ADCY8: variants seen among roughly 807,000 people sequenced by gnomAD.
ADCY8 encodes the protein adenylate cyclase type 8.
Under a neutral mutation model 119.7 loss-of-function variants are expected in ADCY8, and 51 were observed. That is an observed-to-expected ratio of 0.43 (90% CI 0.34 to 0.54). The LOEUF (loss-of-function observed/expected upper bound fraction) is 0.54. Among genes scored for constraint, ADCY8 ranks in the 20% least tolerant of loss-of-function variants. The pLI is 0.03. For missense variants in ADCY8, 1,383 were observed against 1,598.8 expected (o/e 0.87, Z 2.30); for synonymous variants, 665 against 651.0 (o/e 1.02, Z -0.33).
At chr8:130,853,355 T>C (rs967269285) in intron 9 of ADCY8, among the ~76,000 whole-genome samples, 4 of 152,206 alleles carry the variant, frequency 2.6e-5, no homozygotes, top group Admixed American at 6.5e-5. Context: ...TCTGCCTCAT[T>C]CACCTTTGAC....
intron 12 of ADCY8, among the ~76,000 whole-genome samples, chr8:130,825,002 A>G (rs1227644723): frequency 1.3e-5 from 2 of 152,126 alleles, no homozygotes; most frequent in Non-Finnish European, 2.9e-5. Flanking sequence ...CCAACTTCTC[A>G]TTGGTTAAAA....
intron 5 of ADCY8, among the ~76,000 whole-genome samples, chr8:130,911,417 A>G: frequency 6.6e-6 from 1 of 152,154 alleles, no homozygotes; most frequent in South Asian, 2.1e-4. Flanking sequence ...CATTTATAAG[A>G]TATATGTTTA....
chr8:130,958,279 C>A (rs995713684), intron 2 of ADCY8, among the ~76,000 whole-genome samples: 1 of 152,212 alleles, frequency 6.6e-6, no homozygotes. Context: ...GACATTAAAA[C>A]AGCCCAGTTT....
intron 5 of ADCY8, among the ~76,000 whole-genome samples, chr8:130,914,883 C>A (rs972698328): frequency 6.6e-6 from 1 of 152,200 alleles, no homozygotes; most frequent in Admixed American, 6.5e-5. Flanking sequence ...GCTCAGCACA[C>A]AGACATAGTC....
chr8:130,991,632 A>G (rs947151242), intron 1 of ADCY8, among the ~76,000 whole-genome samples: 55 of 152,220 alleles, frequency 3.6e-4, no homozygotes, highest in Non-Finnish European at 7.3e-4. Flanking sequence ...ATGTAAGATA[A>G]TTCAGTCTTA....
At chr8:130,811,060 CAAG>C (rs1331723141) in intron 14 of ADCY8, among the ~76,000 whole-genome samples, 1 of 152,120 alleles carries the variant, frequency 6.6e-6, no homozygotes, top group Non-Finnish European at 1.5e-5. Context: ...ATGGCTTCAT[CAAG>C]AAGCTCTTGC....
rs550547783 is a variant in ADCY8, at chr8:130,879,976, G to A, written c.2109+4588C>T. ...TCATGGGGGTGGGTCTTTCCTATGC[G>A]ATTCTCGTGATAGTGAATGGGTCTC... is the stretch of plus-strand genomic sequence containing the variant. On this transcript the variant is annotated intron_variant, in intron 8 of 17. Coordinates refer to ENST00000286355, the MANE Select transcript of ADCY8 (RefSeq NM_001115.3). Among the ~76,000 whole-genome samples, 176 of 152,202 alleles carry A rather than the reference G, an allele frequency of 1.2e-3. 1 individual carries two copies. The Middle Eastern group carries it at 0.037, about 32-fold the overall frequency.
At chr8:131,039,337 T>A (rs1824273005) in intron 1 of ADCY8, 37 bp downstream of exon 1, 30 of 1,600,674 alleles carry the variant, frequency 1.9e-5, no homozygotes, top group Non-Finnish European at 2.6e-5. Flanking sequence ...CCCGGGGAAG[T>A]TAGAGGGGAA....
chr8:130,780,369 A>AAAAAC lies in ADCY8; in HGVS notation c.*16_*20dup. 1 of 1,403,254 alleles carries AAAAAC rather than the reference A, an allele frequency of 7.1e-7. No individual in the cohort carries two copies. The highest frequency in any genetic ancestry group is 1.5e-5 in the African/African-American group (1 of 68,732). The allele number at this position is 1,403,254 out of a possible 1,614,324, so 86.9% of individuals were successfully genotyped here. On this transcript the variant is annotated 3_prime_UTR_variant, in exon 18 of 18. Transcript: ENST00000286355. Reference sequence around the variant, plus strand: ...TATATATAAAAGAAATACAAAAAAAAAAAACAGAAAGAAAATGCTTTTATG... The same window carrying AAAAAC: ...TATATATAAAAGAAATACAAAAAAAAAAAACAAAACAGAAAGAAAATGCTTTTATG...
intron 1 of ADCY8, among the ~76,000 whole-genome samples, chr8:130,999,671 C>T (rs1015181329): frequency 3.9e-5 from 6 of 152,166 alleles, no homozygotes; most frequent in African/African-American, 1.4e-4. Flanking sequence ...CTGTTGAAGG[C>T]TAGAAAGGCC....
chr8:130,955,173 C>T lies in ADCY8; in HGVS notation c.1111-3175G>A, dbSNP rs565617451. On this transcript the variant is annotated intron_variant, in intron 2 of 17. Coordinates refer to ENST00000286355, the MANE Select transcript of ADCY8 (RefSeq NM_001115.3). ...GGAATGGCATGGAAAGATACGCATTCTTACTTCAGAGCTACCATCTAGTTG... is the reference window on the plus strand; with the variant it reads ...GGAATGGCATGGAAAGATACGCATTTTTACTTCAGAGCTACCATCTAGTTG... Among the ~76,000 whole-genome samples, 8 of 152,164 alleles carry T rather than the reference C, an allele frequency of 5.3e-5. No homozygotes were observed. The South Asian group carries it at 1.7e-3, about 32-fold the overall frequency.
chr8:130,918,337 T>C (rs1820193295), intron 5 of ADCY8, among the ~76,000 whole-genome samples: 1 of 152,140 alleles, frequency 6.6e-6, no homozygotes, highest in African/African-American at 2.4e-5. Flanking sequence ...GCAAGCTCTC[T>C]GGGGTCTCTT....
chr8:130,905,537 C>T (rs1158603971), intron 6 of ADCY8, among the ~76,000 whole-genome samples: 1 of 152,076 alleles, frequency 6.6e-6, no homozygotes, highest in African/African-American at 2.4e-5. Flanking sequence ...ATGCTAAGAA[C>T]AATATATCCA....
rs1363874233 is a variant in ADCY8, at chr8:130,889,027, A to T, written c.1912-4266T>A. Reference sequence around the variant, plus strand: ...GCTCAAATCTCAAAAGACCCTTTAAAGCATCCTTACAGACACTGCAAATCA... The same window carrying T: ...GCTCAAATCTCAAAAGACCCTTTAATGCATCCTTACAGACACTGCAAATCA... On this transcript the variant is annotated intron_variant, in intron 7 of 17. Coordinates refer to ENST00000286355, the MANE Select transcript of ADCY8 (RefSeq NM_001115.3). Among the ~76,000 whole-genome samples, 6 of 152,284 alleles carry T rather than the reference A, an allele frequency of 3.9e-5. No individual in the cohort carries two copies. In the East Asian group the frequency reaches 1.2e-3, roughly 29 times the overall value.
intron 7 of ADCY8, among the ~76,000 whole-genome samples, chr8:130,891,656 T>C (rs1322852529): frequency 2.0e-5 from 3 of 152,098 alleles, no homozygotes. Flanking sequence ...ATGGCACAAT[T>C]TTTTTCCCTC....
At chr8:130,885,092 C>CA (rs199619523) in intron 7 of ADCY8, among the ~76,000 whole-genome samples, 1,842 of 151,784 alleles carry the variant, frequency 0.012, 26 homozygotes, top group African/African-American at 0.041. Context: ...GAAAGAGAAC[C>CA]AAAAAAATAA....
intron 13 of ADCY8, 121 bp from the exon 14 acceptor site, chr8:130,814,348 T>C: frequency 9.5e-7 from 1 of 1,051,854 alleles, no homozygotes; most frequent in Non-Finnish European, 1.3e-6. Context: ...AAACAGAGCC[T>C]GATCTGAATA....
chr8:130,990,708 A>G, intron 1 of ADCY8, 166 bp from the exon 2 acceptor site: 1 of 810,506 alleles, frequency 1.2e-6, no homozygotes, highest in Non-Finnish European at 1.8e-6. Flanking sequence ...CTTGAGGCAA[A>G]TGTCATCCCT....
intron 1 of ADCY8, among the ~76,000 whole-genome samples, chr8:130,994,924 G>T (rs1411204713): frequency 6.6e-6 from 1 of 152,128 alleles, no homozygotes; most frequent in African/African-American, 2.4e-5. Flanking sequence ...CATGTGCAAA[G>T]GTGACTCTGG....
Sources: allele counts gnomAD v4.1 joint callset (sites outside exome capture counted in the v4.1 genomes callset), GRCh38; gene constraint gnomAD v4.1.1; transcripts MANE v1.5; gene names NCBI Gene and HGNC (gene_info 2026-07-23, HGNC 2026-07-21).